FHIP1A: variants seen among roughly 807,000 people sequenced by gnomAD.
FHIP1A encodes the protein FHF complex subunit HOOK interacting protein 1A, also known as FHF complex subunit HOOK-interacting protein 1A.
Under a neutral mutation model 88.6 loss-of-function variants are expected in FHIP1A, and 61 were observed. That is an observed-to-expected ratio of 0.69 (90% CI 0.56 to 0.85). The LOEUF (loss-of-function observed/expected upper bound fraction) is 0.85, where lower values mean the gene tolerates loss of function less well. Among genes scored for constraint, FHIP1A ranks in the 40% least tolerant of loss-of-function variants. The probability of loss-of-function intolerance (pLI) is 0.00; values close to 1 mark genes in which losing one functional copy is unlikely to be tolerated. For missense variants in FHIP1A, 1,154 were observed against 1,273.5 expected, an observed-to-expected ratio of 0.91 and a Z score of 1.43; for synonymous variants, 478 against 496.0, an observed-to-expected ratio of 0.96 and a Z score of 0.48.
In FHIP1A at chr4:151,577,453, G is replaced by A; in HGVS notation, c.109G>A (p.Val37Met). The change falls in exon 5 of 14, where the codon GTG becomes ATG. Residue 37 changes from valine (V) to methionine (M), a missense_variant. Coordinates refer to ENST00000435205, the MANE Select transcript of FHIP1A (RefSeq NM_001109977.3). ...CAAATGCTTGACTTGGTTACAGGTT[G>A]TGAAAATCTTGGAGAAGCACGACCC... ...IVFKNHWAQV[V>M]KILEKHDPLK... 6.5e-7 allele frequency: 1 copy of A among 1,530,198 alleles called. No homozygotes were observed. The highest frequency in any genetic ancestry group is 8.8e-7 in the Non-Finnish European group (1 of 1,133,784). The allele number at this position is 1,530,198 out of a possible 1,614,324, so 94.8% of individuals were successfully genotyped here.
intron 3 of FHIP1A, among the ~76,000 whole-genome samples, chr4:151,508,478 C>T (rs920097524): frequency 8.5e-5 from 13 of 152,128 alleles, no homozygotes; most frequent in Non-Finnish European, 1.8e-4. Context: ...GAATACGTGG[C>T]TGTAGGTGGT....
chr4:151,556,123 C>T (rs148130728), intron 3 of FHIP1A, among the ~76,000 whole-genome samples: 7 of 152,078 alleles, frequency 4.6e-5, no homozygotes, highest in East Asian at 1.9e-4. Flanking sequence ...TTATAATATG[C>T]GTATTTTTGG....
At chr4:151,456,320 A>G (rs1728967033) in intron 2 of FHIP1A, among the ~76,000 whole-genome samples, 1 of 152,310 alleles carries the variant, frequency 6.6e-6, no homozygotes, top group African/African-American at 2.4e-5. Context: ...AAATTTTTTC[A>G]AAATAAATGC....
intron 3 of FHIP1A, among the ~76,000 whole-genome samples, chr4:151,500,192 G>C (rs1730599938): frequency 6.6e-6 from 1 of 152,016 alleles, no homozygotes; most frequent in African/African-American, 2.4e-5. Flanking sequence ...GAGGACATGG[G>C]GAAATTTTAA....
intron 3 of FHIP1A, among the ~76,000 whole-genome samples, chr4:151,509,384 C>G (rs1730944725): frequency 6.6e-6 from 1 of 152,032 alleles, no homozygotes; most frequent in Non-Finnish European, 1.5e-5. Flanking sequence ...CCAGGATGGT[C>G]TCGATCTCCT....
chr4:151,653,864 G>A (rs1270785824), intron 11 of FHIP1A, among the ~76,000 whole-genome samples: 1 of 152,136 alleles, frequency 6.6e-6, no homozygotes, highest in East Asian at 1.9e-4. Flanking sequence ...AGCGGTGAGT[G>A]GATGACAGGA....
chr4:151,425,569 A>C (rs1283340583), intron 1 of FHIP1A, among the ~76,000 whole-genome samples: 1 of 152,222 alleles, frequency 6.6e-6, no homozygotes. Context: ...AAAGATTCAC[A>C]TAGACTTTTT....
At chr4:151,552,525 A>G (rs975857621) in intron 3 of FHIP1A, among the ~76,000 whole-genome samples, 2 of 152,214 alleles carry the variant, frequency 1.3e-5, no homozygotes, top group African/African-American at 4.8e-5. Flanking sequence ...TGTTCTTTGC[A>G]GGGACATGGA....
At chr4:151,471,915 A>G (rs1314789426) in intron 2 of FHIP1A, among the ~76,000 whole-genome samples, 1 of 152,176 alleles carries the variant, frequency 6.6e-6, no homozygotes, top group Non-Finnish European at 1.5e-5. Context: ...AATATTCTCC[A>G]GTCTCATCCA....
At chr4:151,530,587 A>G (rs1731836375) in intron 3 of FHIP1A, among the ~76,000 whole-genome samples, 4 of 152,208 alleles carry the variant, frequency 2.6e-5, no homozygotes, top group South Asian at 4.1e-4. Flanking sequence ...GTGGTTCAAC[A>G]TTCAACTTCT....
intron 3 of FHIP1A, among the ~76,000 whole-genome samples, chr4:151,544,697 C>A (rs1012725943): frequency 6.6e-6 from 1 of 152,060 alleles, no homozygotes; most frequent in Non-Finnish European, 1.5e-5. Context: ...TGTGGCCTTT[C>A]CCCTCTTCTG....
At chr4:151,498,272 GGTACCC>G (rs1187165372) in intron 3 of FHIP1A, among the ~76,000 whole-genome samples, 1 of 152,160 alleles carries the variant, frequency 6.6e-6, no homozygotes, top group Non-Finnish European at 1.5e-5. Flanking sequence ...AGTAATGTTT[GGTACCC>G]GTATGAATTC....
At chr4:151,517,390 ATG>A (rs886440077) in intron 3 of FHIP1A, among the ~76,000 whole-genome samples, 1 of 152,128 alleles carries the variant, frequency 6.6e-6, no homozygotes, top group African/African-American at 2.4e-5. Flanking sequence ...AGCATGGCAC[ATG>A]TATACATATG....
chr4:151,545,795 TA>T (rs1354467086), intron 3 of FHIP1A, among the ~76,000 whole-genome samples: 1 of 152,070 alleles, frequency 6.6e-6, no homozygotes, highest in African/African-American at 2.4e-5. Context: ...ATTTCCCTAT[TA>T]AAAAAATTGA....
At chr4:151,490,153 C>T (rs754869996) in intron 3 of FHIP1A, among the ~76,000 whole-genome samples, 3 of 152,192 alleles carry the variant, frequency 2.0e-5, no homozygotes, top group Non-Finnish European at 2.9e-5. Context: ...AACCAGAGGT[C>T]GTGAGTCTGT....
chr4:151,611,332 T>A (rs1215173243), intron 7 of FHIP1A, among the ~76,000 whole-genome samples: 1 of 152,080 alleles, frequency 6.6e-6, no homozygotes, highest in Non-Finnish European at 1.5e-5. Flanking sequence ...AGAACCAGAG[T>A]TGAGACAGAT....
intron 3 of FHIP1A, among the ~76,000 whole-genome samples, chr4:151,540,385 T>G (rs1732240493): frequency 6.6e-6 from 1 of 152,158 alleles, no homozygotes; most frequent in South Asian, 2.1e-4. Context: ...CAGAAATACC[T>G]CATATATTTT....
At chr4:151,575,317 G>A (rs1380442846) in intron 4 of FHIP1A, among the ~76,000 whole-genome samples, 1 of 152,200 alleles carries the variant, frequency 6.6e-6, no homozygotes, top group Admixed American at 6.5e-5. Context: ...TGTGTGGTGT[G>A]GAGGTAGAGG....
chr4:151,457,765 G>C (rs201203058), intron 2 of FHIP1A, among the ~76,000 whole-genome samples: 1 of 152,090 alleles, frequency 6.6e-6, no homozygotes, highest in East Asian at 1.9e-4. Context: ...TTTTGGAGGG[G>C]TGGGGATCAC....
Sources: gnomAD v4.1 joint callset for allele counts (sites outside exome capture counted in the v4.1 genomes callset) on GRCh38, gnomAD v4.1.1 for gene constraint, MANE v1.5 for transcripts, NCBI Gene and HGNC (gene_info 2026-07-23, HGNC 2026-07-21) for gene names.